SRGAP1: variants seen among roughly 807,000 people sequenced by gnomAD.
SRGAP1 encodes SLIT-ROBO Rho GTPase activating protein 1.
SRGAP1 carries 43 observed loss-of-function variants against 121.9 expected under a neutral mutation model. That is an observed-to-expected ratio of 0.35 (90% CI 0.28 to 0.46). SRGAP1 has a LOEUF of 0.46. Ranked by LOEUF, SRGAP1 falls within the 20% of genes least tolerant of loss-of-function variation. The pLI, the probability that SRGAP1 is intolerant of heterozygous loss-of-function variation, is 1.00. For missense variants in SRGAP1, 1,102 were observed against 1,350.9 expected (o/e 0.82, Z 2.89); for synonymous variants, 447 against 485.4 (o/e 0.92, Z 1.04).
chr12:64,103,470 A>C (rs1404008850), intron 15 of SRGAP1, among the ~76,000 whole-genome samples: 1 of 152,214 alleles, frequency 6.6e-6, no homozygotes, highest in Non-Finnish European at 1.5e-5. Flanking sequence ...AAATACTATG[A>C]TGAGCTTCTT....
intron 1 of SRGAP1, among the ~76,000 whole-genome samples, chr12:63,866,096 A>G (rs929597877): frequency 1.3e-5 from 2 of 152,160 alleles, no homozygotes; most frequent in African/African-American, 4.8e-5. Context: ...GCACCCACTT[A>G]TCAAGGCTTT....
At chr12:63,898,237 G>C (rs1180431753) in intron 1 of SRGAP1, among the ~76,000 whole-genome samples, 2 of 152,234 alleles carry the variant, frequency 1.3e-5, no homozygotes, top group Admixed American at 1.3e-4. Context: ...CTTGTTGGAA[G>C]GCTTTTAATT....
At chr12:64,069,921 TAG>T (rs2136547182) in intron 8 of SRGAP1, among the ~76,000 whole-genome samples, 1 of 152,316 alleles carries the variant, frequency 6.6e-6, no homozygotes, top group South Asian at 2.1e-4. Context: ...TTATTATTTG[TAG>T]AGACAGGGTC....
intron 1 of SRGAP1, among the ~76,000 whole-genome samples, chr12:63,981,611 TTTGA>T (rs1357603809): frequency 3.3e-5 from 5 of 152,342 alleles, no homozygotes; most frequent in Admixed American, 1.3e-4. Flanking sequence ...AAACACTTAC[TTTGA>T]TTGACTAAAA....
In SRGAP1 at chr12:63,990,608, G is replaced by A. The variant is rs115729620; in HGVS notation, c.426+536G>A. Among the ~76,000 whole-genome samples the A allele has an allele frequency of 2.1e-3, 320 of 152,232 alleles. 2 individuals are homozygous for A. The highest frequency in any genetic ancestry group is 7.4e-3 in the African/African-American group (307 of 41,544). On this transcript the variant is annotated intron_variant, in intron 3 of 21. Transcript: ENST00000355086. ...ACAGAATAAAAAAGTTAGGTATAAGGCATACTTATAGAGTTATAAGTCAGT... is the reference window on the plus strand; with the variant it reads ...ACAGAATAAAAAAGTTAGGTATAAGACATACTTATAGAGTTATAAGTCAGT...
intron 1 of SRGAP1, among the ~76,000 whole-genome samples, chr12:63,908,962 C>G (rs994058626): frequency 1.3e-5 from 2 of 152,014 alleles, no homozygotes; most frequent in Non-Finnish European, 2.9e-5. Context: ...GCCATCTTGG[C>G]TCACTCCAAC....
chr12:64,032,785 T>C (rs1445390417), intron 4 of SRGAP1: 1 of 198,202 alleles, frequency 5.0e-6, no homozygotes, highest in Non-Finnish European at 1.0e-5. Context: ...TTCTGCTGCA[T>C]TATTTGACCC....
At chr12:64,100,588 T>C (rs1022944737) in intron 15 of SRGAP1, among the ~76,000 whole-genome samples, 5 of 152,232 alleles carry the variant, frequency 3.3e-5, no homozygotes, top group Non-Finnish European at 7.3e-5. Context: ...CAAAGTTTCA[T>C]AAATGTTGAG....
In SRGAP1 at chr12:63,990,092, C is replaced by A; in HGVS notation, c.426+20C>A. 6.4e-7 allele frequency: 1 copy of A among 1,563,266 alleles called. No individual in the cohort carries two copies. ...AAAAAGGTACACTCCATAAATCCTG[C>A]CATAGTGTGCTTTCCAATAACTGCC... On this transcript the variant is annotated intron_variant, in intron 3 of 21. Transcript: ENST00000355086.
At chr12:63,872,997 G>C (rs1009667977) in intron 1 of SRGAP1, among the ~76,000 whole-genome samples, 6 of 152,142 alleles carry the variant, frequency 3.9e-5, no homozygotes, top group East Asian at 1.9e-4. Context: ...TATAGGAAAG[G>C]CTCCTGAAAT....
chr12:63,901,189 A>G (rs1390285322), intron 1 of SRGAP1, among the ~76,000 whole-genome samples: 1 of 152,224 alleles, frequency 6.6e-6, no homozygotes, highest in Middle Eastern at 3.2e-3. Context: ...GTTGCTCTTC[A>G]AAAGCAGTAT....
At chr12:64,028,544 T>C (rs956105279) in intron 4 of SRGAP1, among the ~76,000 whole-genome samples, 1 of 152,254 alleles carries the variant, frequency 6.6e-6, no homozygotes, top group Non-Finnish European at 1.5e-5. Flanking sequence ...GGGTGGCTTA[T>C]AAACAACAGA....
intron 1 of SRGAP1, among the ~76,000 whole-genome samples, chr12:63,963,946 AG>A (rs1354941888): frequency 4.6e-5 from 7 of 152,224 alleles, no homozygotes; most frequent in African/African-American, 1.4e-4. Flanking sequence ...TGTCAGAGTA[AG>A]GTTGTTTTAT....
At chr12:64,061,315 T>C (rs1278640270) in intron 6 of SRGAP1, among the ~76,000 whole-genome samples, 1 of 152,224 alleles carries the variant, frequency 6.6e-6, no homozygotes. Flanking sequence ...ATTCCTAGAC[T>C]ATTTTGGCAG....
intron 1 of SRGAP1, among the ~76,000 whole-genome samples, chr12:63,933,270 C>T (rs2031545025): frequency 6.6e-6 from 1 of 151,990 alleles, no homozygotes; most frequent in Admixed American, 6.6e-5. Flanking sequence ...TCCTTGCAGG[C>T]AGAGTGGTGG....
chr12:63,948,471 C>G (rs1293866121), intron 1 of SRGAP1, among the ~76,000 whole-genome samples: 1 of 152,180 alleles, frequency 6.6e-6, no homozygotes, highest in East Asian at 1.9e-4. Flanking sequence ...ACACAGTCAT[C>G]TCTGTCTTGG....
chr12:64,006,259 T>C (rs1307748560), intron 3 of SRGAP1, among the ~76,000 whole-genome samples: 1 of 152,208 alleles, frequency 6.6e-6, no homozygotes, highest in Non-Finnish European at 1.5e-5. Flanking sequence ...GCCTAGCACA[T>C]ATCTAGGAAA....
At chr12:64,107,816 A>G (rs1324834311) in intron 15 of SRGAP1, among the ~76,000 whole-genome samples, 1 of 152,140 alleles carries the variant, frequency 6.6e-6, no homozygotes, top group Non-Finnish European at 1.5e-5. Flanking sequence ...TTTTTTGGAA[A>G]TATTTTCTCA....
chr12:64,103,664 C>T (rs1257763328), intron 15 of SRGAP1, among the ~76,000 whole-genome samples: 1 of 152,078 alleles, frequency 6.6e-6, no homozygotes, highest in Non-Finnish European at 1.5e-5. Flanking sequence ...TTAATTTTTC[C>T]TTTATCCTTA....
Sources: allele counts gnomAD v4.1 joint callset (sites outside exome capture counted in the v4.1 genomes callset), GRCh38; gene constraint gnomAD v4.1.1; transcripts MANE v1.5; gene names NCBI Gene and HGNC (gene_info 2026-07-23, HGNC 2026-07-21).